GFPT2: variants seen among roughly 807,000 people sequenced by gnomAD.
GFPT2 encodes the protein glutamine--fructose-6-phosphate aminotransferase [isomerizing] 2.
A neutral mutation model predicts 85.6 loss-of-function variants in GFPT2; 62 were observed. The observed-to-expected ratio is 0.72, with a 90% CI of 0.59 to 0.90. GFPT2 has a LOEUF of 0.90. Ranked by LOEUF, GFPT2 falls within the 40% of genes least tolerant of loss-of-function variation. GFPT2 has a pLI of 0.00. For missense variants in GFPT2, 788 were observed against 893.4 expected, an observed-to-expected ratio of 0.88 and a Z score of 1.50; for synonymous variants, 368 against 344.5, an observed-to-expected ratio of 1.07 and a Z score of -0.75.
rs1217912401 is a variant in GFPT2, at chr5:180,323,944, C to T, written c.794+244G>A. Among the ~76,000 whole-genome samples, 1 of 152,230 alleles carries T rather than the reference C, an allele frequency of 6.6e-6. No individual in the cohort carries two copies. Among genetic ancestry groups the T allele is most frequent in the Non-Finnish European group, 1.5e-5 (1 of 68,044 alleles). ...CTAACCCATTCATTTTGTGCAGGCT[C>T]GAAGCACTGTGCCCACCAGTGCATC... On this transcript the variant is annotated intron_variant, in intron 9 of 18. Coordinates refer to ENST00000253778, the MANE Select transcript of GFPT2 (RefSeq NM_005110.4). The surrounding 1 kb of genome is among the most constrained non-coding windows in gnomAD (Gnocchi z 4.0).
intron 1 of GFPT2, among the ~76,000 whole-genome samples, chr5:180,348,835 G>C (rs563447811): frequency 2.0e-4 from 30 of 151,212 alleles, no homozygotes; most frequent in Admixed American, 5.3e-4. Context: ...TCTGCCTCCT[G>C]GGTTCAAGCA....
intron 7 of GFPT2, among the ~76,000 whole-genome samples, chr5:180,327,115 C>T (rs1389304900): frequency 6.6e-6 from 1 of 152,190 alleles, no homozygotes; most frequent in Non-Finnish European, 1.5e-5. Flanking sequence ...CTGGAAGAGA[C>T]AGCCTCACCC....
intron 9 of GFPT2, among the ~76,000 whole-genome samples, chr5:180,320,175 G>C (rs1764091097): frequency 6.6e-6 from 1 of 151,846 alleles, no homozygotes; most frequent in Non-Finnish European, 1.5e-5. Context: ...TGTATTTTTA[G>C]GAGAGACGGG....
intron 2 of GFPT2, among the ~76,000 whole-genome samples, chr5:180,337,867 C>G (rs537611557): frequency 5.8e-4 from 89 of 152,332 alleles, no homozygotes; most frequent in African/African-American, 2.1e-3. Context: ...ACCCTCTTGG[C>G]TGGGCTCACT....
intron 1 of GFPT2, among the ~76,000 whole-genome samples, chr5:180,343,358 G>A (rs1764555694): frequency 6.6e-6 from 1 of 152,218 alleles, no homozygotes; most frequent in South Asian, 2.1e-4. Context: ...AGCAGCGGGG[G>A]CATAAGGGGT....
At chr5:180,351,971 C>G (rs1581393918) in intron 1 of GFPT2, among the ~76,000 whole-genome samples, 1 of 152,216 alleles carries the variant, frequency 6.6e-6, no homozygotes, top group East Asian at 1.9e-4. Flanking sequence ...GCTTGGACAT[C>G]TGGCAAAACT....
chr5:180,304,080 A>C lies in GFPT2; in HGVS notation c.1842+692T>G, dbSNP rs192056967. The stretch of plus-strand genomic sequence containing the variant: ...TAAAACCACAATACAAACTCTGGAC[A>C]CTGGAGCTAGCAGCTCAGGGGAGCT... On this transcript the variant is annotated intron_variant, in intron 17 of 18. Coordinates refer to ENST00000253778, the MANE Select transcript of GFPT2 (RefSeq NM_005110.4). Among the ~76,000 whole-genome samples the C allele has an allele frequency of 3.9e-3, 598 of 152,258 alleles. 6 individuals carry two copies. The highest frequency in any genetic ancestry group is 0.014 in the African/African-American group (573 of 41,556).
rs1764057307 is a variant in GFPT2 at position 180,318,597 on chromosome 5, C to T, written c.958+196G>A. The T allele has an allele frequency of 3.5e-6, 2 of 575,396 alleles. No homozygotes were observed. The highest frequency in any genetic ancestry group is 6.0e-5 in the Admixed American group (2 of 33,404). 35.6% of individuals were successfully genotyped at this position (575,396 alleles called of 1,614,324 possible). ...CTGGCGGCTGGCTGCACACAGGAGCCCCCGCTTGGAGGTGCCAGGCCAGCC... is the reference window on the plus strand; with the variant it reads ...CTGGCGGCTGGCTGCACACAGGAGCTCCCGCTTGGAGGTGCCAGGCCAGCC... On this transcript the variant is annotated intron_variant, in intron 10 of 18. Coordinates refer to ENST00000253778, the MANE Select transcript of GFPT2 (RefSeq NM_005110.4). The surrounding 1 kb of genome is among the most constrained non-coding windows in gnomAD (Gnocchi z 4.2).
intron 4 of GFPT2, among the ~76,000 whole-genome samples, chr5:180,332,802 A>G (rs944012811): frequency 6.6e-6 from 1 of 152,216 alleles, no homozygotes; most frequent in African/African-American, 2.4e-5. Flanking sequence ...GGCCTCCCAA[A>G]GTGCTGGGAT....
In GFPT2 at chr5:180,328,897, AC is replaced by A. The variant is rs1462605183; in HGVS notation, c.535-560del. ...AATGCACTGAGCCTGGCATCCGGAG[AC>A]CCAAGAGAAGCACAGGTTGTCATGA... is the stretch of plus-strand genomic sequence containing the variant. On this transcript the variant is annotated intron_variant, in intron 6 of 18. Coordinates refer to ENST00000253778, the MANE Select transcript of GFPT2 (RefSeq NM_005110.4). The surrounding 1 kb of genome is among the most constrained non-coding windows in gnomAD (Gnocchi z 5.4). Among the ~76,000 whole-genome samples the A allele has an allele frequency of 1.3e-5, 2 of 152,142 alleles. No homozygotes were observed. The highest frequency in any genetic ancestry group is 2.9e-5 in the Non-Finnish European group (2 of 68,016).
chr5:180,347,201 G>T lies in GFPT2; in HGVS notation c.7+6010C>A, dbSNP rs547332296. On this transcript the variant is annotated intron_variant, in intron 1 of 18. Transcript: ENST00000253778. Reference sequence around the variant, plus strand: ...AGAGCCTGAAAATGCAGGCTTTATGGAAAGTCTGAGATACAGGAGCCTGGA... The same window carrying T: ...AGAGCCTGAAAATGCAGGCTTTATGTAAAGTCTGAGATACAGGAGCCTGGA... Among the ~76,000 whole-genome samples, 6 of 152,352 alleles carry T rather than the reference G, an allele frequency of 3.9e-5. 1 individual carries two copies. The South Asian group carries it at 1.2e-3, about 32-fold the overall frequency.
At position 180,351,065 on chromosome 5, in the gene GFPT2, A is replaced by T. The variant is rs114324067; in HGVS notation, c.7+2146T>A. 1.6e-3 allele frequency among the ~76,000 whole-genome samples: 251 copies of T among 152,362 alleles called. 5 individuals carry two copies. Among genetic ancestry groups the T allele is most frequent in the African/African-American group, 5.8e-3 (242 of 41,580 alleles). On this transcript the variant is annotated intron_variant, in intron 1 of 18. Transcript: ENST00000253778. Reference sequence around the variant, plus strand: ...ACGATTCTTGCAGTATCCTTGTACTAATAGCATAATCACTACTTTTTCTTC... The same window carrying T: ...ACGATTCTTGCAGTATCCTTGTACTTATAGCATAATCACTACTTTTTCTTC...
chr5:180,307,873 G>C (rs999430730), intron 15 of GFPT2, among the ~76,000 whole-genome samples: 5 of 152,270 alleles, frequency 3.3e-5, no homozygotes, highest in African/African-American at 1.2e-4. Context: ...CGCACTTTGG[G>C]AGGCCGAGGC....
chr5:180,326,220 A>G (rs77377411), intron 7 of GFPT2, among the ~76,000 whole-genome samples: 1 of 152,216 alleles, frequency 6.6e-6, no homozygotes, highest in African/African-American at 2.4e-5. Flanking sequence ...CCAGGCAGGT[A>G]AAAGTGCAGT....
At chr5:180,338,416 C>T in intron 2 of GFPT2, 77 bp downstream of exon 2, 3 of 661,716 alleles carry the variant, frequency 4.5e-6, no homozygotes, top group Admixed American at 2.8e-5. Context: ...GTTGTAAACC[C>T]CCCTGCAGTG....
rs1191852498 is a variant in GFPT2 at position 180,304,952 on chromosome 5, G to C, written c.1675-13C>G. 15 of 1,594,070 alleles carry C rather than the reference G, an allele frequency of 9.4e-6. No individual in the cohort carries two copies. The highest frequency in any genetic ancestry group is 1.2e-5 in the Non-Finnish European group (14 of 1,163,368). On this transcript the variant is annotated splice_polypyrimidine_tract_variant and intron_variant, in intron 16 of 18. Coordinates refer to ENST00000253778, the MANE Select transcript of GFPT2 (RefSeq NM_005110.4). ...TCTCTTTAATTTTCTGGAAACAGGA[G>C]GTGAGATCAGAGTCACACTGGGCAG...
intron 3 of GFPT2, 25 bp from the exon 4 acceptor site, chr5:180,335,978 C>T: frequency 1.3e-6 from 2 of 1,551,968 alleles, no homozygotes; most frequent in Middle Eastern, 1.7e-4. Context: ...AATCAGTTTG[C>T]CGCACTTGAA....
intron 10 of GFPT2, among the ~76,000 whole-genome samples, chr5:180,317,563 T>C (rs1237037233): frequency 6.6e-6 from 1 of 150,838 alleles, no homozygotes; most frequent in South Asian, 2.1e-4. Context: ...ATCGAGACCA[T>C]CCCGGCTAAA....
In GFPT2 at chr5:180,313,889, G is replaced by T. The variant is rs759616421; in HGVS notation, c.1349C>A (p.Thr450Asn). The change falls in exon 14 of 19, where the codon ACC (threonine) becomes AAC (asparagine). Residue 450 changes from threonine (T) to asparagine (N), a missense_variant. Coordinates refer to ENST00000253778, the MANE Select transcript of GFPT2 (RefSeq NM_005110.4). ...CTCGCGAGAGATGGAGCTGCCCACG[G>T]TGTTGGTGACGCCCACGGTGAGAGC... ...RGALTVGVTN[T>N]VGSSISRETD... The T allele has an allele frequency of 6.2e-7, 1 of 1,607,194 alleles. No homozygotes were observed.
Sources: allele counts gnomAD v4.1 joint callset (sites outside exome capture counted in the v4.1 genomes callset), GRCh38; gene constraint gnomAD v4.1.1; non-coding constraint Gnocchi (gnomAD v3.1); transcripts MANE v1.5; gene names NCBI Gene and HGNC (gene_info 2026-07-23, HGNC 2026-07-21).